Variants in ST8SIA6 observed in about 807,000 individuals in gnomAD.
ST8SIA6 encodes ST8 alpha-N-acetyl-neuraminide alpha-2,8-sialyltransferase 6.
Under a neutral mutation model 33.6 loss-of-function variants are expected in ST8SIA6, and 39 were observed. The observed-to-expected ratio is 1.16, with a 90% confidence interval of 0.90 to 1.52. The LOEUF is 1.52. Among genes scored for constraint, ST8SIA6 ranks in the 40% most tolerant of loss-of-function variants. ST8SIA6 has a pLI of 0.00. For missense variants in ST8SIA6, 441 were observed against 443.8 expected (o/e 0.99, Z 0.06); for synonymous variants, 172 against 167.2 (o/e 1.03, Z -0.22).
chr10:17,386,131 T>C (rs546149410), intron 3 of ST8SIA6, among the ~76,000 whole-genome samples: 10 of 151,876 alleles, frequency 6.6e-5, no homozygotes, highest in Non-Finnish European at 1.2e-4. Context: ...CAGTGAGCTG[T>C]GTTCGTGCCA....
intron 2 of ST8SIA6, among the ~76,000 whole-genome samples, chr10:17,449,085 T>G (rs912386010): frequency 1.7e-4 from 26 of 151,860 alleles, no homozygotes; most frequent in African/African-American, 6.0e-4. Context: ...TTTTTAAAAA[T>G]CTAAACATAT....
intron 3 of ST8SIA6, among the ~76,000 whole-genome samples, chr10:17,367,339 A>G (rs1229616599): frequency 6.6e-6 from 1 of 152,156 alleles, no homozygotes; most frequent in Non-Finnish European, 1.5e-5. Context: ...ACTGCCCTTT[A>G]TAAAACCATC....
At chr10:17,357,982 T>G (rs142988912) in intron 4 of ST8SIA6, among the ~76,000 whole-genome samples, 2 of 152,306 alleles carry the variant, frequency 1.3e-5, no homozygotes, top group East Asian at 3.9e-4. Flanking sequence ...ATTTTCAATC[T>G]CATCTTCCTG....
intron 3 of ST8SIA6, among the ~76,000 whole-genome samples, chr10:17,361,742 A>G (rs1849398388): frequency 6.6e-6 from 1 of 151,566 alleles, no homozygotes; most frequent in African/African-American, 2.4e-5. Flanking sequence ...GCAGGCCAAC[A>G]TTTCTTATAA....
At chr10:17,393,761 A>G (rs1850705209) in intron 2 of ST8SIA6, among the ~76,000 whole-genome samples, 1 of 152,210 alleles carries the variant, frequency 6.6e-6, no homozygotes, top group African/African-American at 2.4e-5. Flanking sequence ...AAGGTAAAGA[A>G]ATAAACAAGA....
intron 2 of ST8SIA6, among the ~76,000 whole-genome samples, chr10:17,396,636 G>T (rs1172545348): frequency 6.6e-6 from 1 of 152,008 alleles, no homozygotes; most frequent in African/African-American, 2.4e-5. Context: ...TCTCCTCTGA[G>T]ATCCAGCCCA....
intron 4 of ST8SIA6, among the ~76,000 whole-genome samples, chr10:17,333,709 A>ATTTT (rs1848397864): frequency 3.8e-5 from 1 of 26,086 alleles, no homozygotes; most frequent in African/African-American, 2.4e-4. Flanking sequence ...ATATATATAT[A>ATTTT]TATATATATT....
In ST8SIA6 at chr10:17,442,733, G is replaced by T. The variant is rs554342410; in HGVS notation, c.200+10826C>A. ...CCTTTAAGAAATAATTATAGATATG[G>T]GTTTTCAACTCTGCAGGTTTAAATC... On this transcript the variant is annotated intron_variant, in intron 2 of 7. Coordinates refer to ENST00000377602, the MANE Select transcript of ST8SIA6 (RefSeq NM_001004470.3). Among the ~76,000 whole-genome samples the T allele has an allele frequency of 1.4e-4, 21 of 152,142 alleles. No individual in the cohort carries two copies. In the South Asian group the frequency reaches 4.4e-3, roughly 32 times the overall value.
At chr10:17,335,795 C>G (rs1848481201) in intron 4 of ST8SIA6, among the ~76,000 whole-genome samples, 1 of 152,094 alleles carries the variant, frequency 6.6e-6, no homozygotes, top group Non-Finnish European at 1.5e-5. Flanking sequence ...TTTAGTGGCT[C>G]TTTTATCCAG....
chr10:17,362,593 G>T (rs979776727), intron 3 of ST8SIA6, among the ~76,000 whole-genome samples: 1 of 152,116 alleles, frequency 6.6e-6, no homozygotes, highest in Non-Finnish European at 1.5e-5. Context: ...ATTTAATTAT[G>T]ACTTTACATG....
At chr10:17,329,080 C>A (rs1322868976) in intron 5 of ST8SIA6, among the ~76,000 whole-genome samples, 1 of 152,170 alleles carries the variant, frequency 6.6e-6, no homozygotes, top group Non-Finnish European at 1.5e-5. Context: ...CTGCTGTCTG[C>A]CCCTAATGCT....
chr10:17,342,175 A>G (rs1206748093), intron 4 of ST8SIA6, among the ~76,000 whole-genome samples: 2 of 152,218 alleles, frequency 1.3e-5, no homozygotes, highest in African/African-American at 4.8e-5. Context: ...GGTGATGTCC[A>G]TGGCCCAAGG....
At chr10:17,367,984 G>A (rs780331182) in intron 3 of ST8SIA6, among the ~76,000 whole-genome samples, 6 of 151,854 alleles carry the variant, frequency 4.0e-5, no homozygotes, top group Non-Finnish European at 4.4e-5. Flanking sequence ...TATCTATTAC[G>A]TATCCGTACA....
chr10:17,325,243 T>C (rs1041600327), intron 6 of ST8SIA6, among the ~76,000 whole-genome samples: 1 of 143,462 alleles, frequency 7.0e-6, no homozygotes, highest in Non-Finnish European at 1.5e-5. Flanking sequence ...TTATATAGTA[T>C]ACAATATACT....
chr10:17,404,038 C>G (rs1370881025), intron 2 of ST8SIA6, among the ~76,000 whole-genome samples: 1 of 141,700 alleles, frequency 7.1e-6, no homozygotes, highest in Admixed American at 7.5e-5. Flanking sequence ...GCACTCCAGC[C>G]TGGGTGACAG....
At chr10:17,416,120 C>T (rs972821197) in intron 2 of ST8SIA6, among the ~76,000 whole-genome samples, 1 of 152,052 alleles carries the variant, frequency 6.6e-6, no homozygotes, top group African/African-American at 2.4e-5. Context: ...ACTTATCTTA[C>T]TTGATCTTTC....
At chr10:17,433,846 T>C (rs568909161) in intron 2 of ST8SIA6, among the ~76,000 whole-genome samples, 1 of 152,144 alleles carries the variant, frequency 6.6e-6, no homozygotes, top group African/African-American at 2.4e-5. Flanking sequence ...AGCCCCCCTA[T>C]CTACTTTTCC....
chr10:17,384,660 T>A (rs1476351610), intron 3 of ST8SIA6, among the ~76,000 whole-genome samples: 2 of 152,220 alleles, frequency 1.3e-5, no homozygotes, highest in Admixed American at 1.3e-4. Flanking sequence ...CCAGTTTTCC[T>A]AATTTGGAGT....
At chr10:17,397,858 A>G (rs771343226) in intron 2 of ST8SIA6, among the ~76,000 whole-genome samples, 20 of 152,182 alleles carry the variant, frequency 1.3e-4, no homozygotes, top group Non-Finnish European at 5.9e-5. Context: ...AGATACACAA[A>G]AACAAGCAGT....
Sources: gnomAD v4.1 joint callset for allele counts (sites outside exome capture counted in the v4.1 genomes callset) on GRCh38, gnomAD v4.1.1 for gene constraint, MANE v1.5 for transcripts, NCBI Gene and HGNC (gene_info 2026-07-23, HGNC 2026-07-21) for gene names.